The following PDE10A variants were observed in gnomAD, a reference collection of about 807,000 sequenced individuals.
The protein encoded by PDE10A is phosphodiesterase 10A.
In PDE10A, 39 loss-of-function variants were observed where a neutral mutation model predicts 97.7. That is an observed-to-expected ratio of 0.40 (90% confidence interval 0.31 to 0.52). The LOEUF is 0.52. Ranked by LOEUF, PDE10A falls within the 20% of genes least tolerant of loss-of-function variation. The probability of loss-of-function intolerance (pLI) is 0.56; values close to 1 mark genes in which losing one functional copy is unlikely to be tolerated. For synonymous variants in PDE10A, 371 were observed against 376.8 expected, an observed-to-expected ratio of 0.98 and a Z score of 0.18; for missense variants, 731 against 1,047.8, an observed-to-expected ratio of 0.70 and a Z score of 4.17.
chr6:165,982,402 A>G (rs1785047557), intron 1 of PDE10A, among the ~76,000 whole-genome samples: 1 of 152,198 alleles, frequency 6.6e-6, no homozygotes, highest in Non-Finnish European at 1.5e-5. Context: ...ATAATATACC[A>G]CTTACGTAAT....
At chr6:165,521,243 G>A (rs1782111955) in intron 2 of PDE10A, among the ~76,000 whole-genome samples, 1 of 152,028 alleles carries the variant, frequency 6.6e-6, no homozygotes, top group South Asian at 2.1e-4. Flanking sequence ...CCACCAACTG[G>A]CTGTTCCCCG....
chr6:165,488,029 CAA>C (rs58319021), intron 2 of PDE10A, among the ~76,000 whole-genome samples: 41 of 83,380 alleles, frequency 4.9e-4, no homozygotes, highest in African/African-American at 1.2e-3. Context: ...AACAAATTGG[CAA>C]AAAAAAAAAA....
chr6:165,513,890 T>G (rs1781648625), intron 2 of PDE10A, among the ~76,000 whole-genome samples: 1 of 152,140 alleles, frequency 6.6e-6, no homozygotes, highest in African/African-American at 2.4e-5. Flanking sequence ...GTTTTGTAGT[T>G]TTTTGTGAAG....
At chr6:165,626,513 G>A (rs1387051676) in intron 1 of PDE10A, among the ~76,000 whole-genome samples, 1 of 152,188 alleles carries the variant, frequency 6.6e-6, no homozygotes. Flanking sequence ...CTAACAAAGA[G>A]AGAAGATGTT....
chr6:165,785,364 T>A (rs1338496850), intron 1 of PDE10A, among the ~76,000 whole-genome samples: 3 of 152,238 alleles, frequency 2.0e-5, no homozygotes, highest in Admixed American at 6.5e-5. Context: ...GGGACTAATA[T>A]CTGAATGCTC....
Position 165,641,086 on chromosome 6 carries a change from A to T in PDE10A, c.865+20861T>A, listed in dbSNP as rs530205613. Among the ~76,000 whole-genome samples, 8 of 152,320 alleles carry T rather than the reference A, an allele frequency of 5.3e-5. No homozygotes were observed. The East Asian group carries it at 1.5e-3, about 29-fold the overall frequency. ...GCAACATGGCTGTCTGCTTCACCTG[A>T]CCACAGAAGAGGGATGGACCCAAGA... On this transcript the variant is annotated intron_variant, in intron 1 of 21. Coordinates refer to ENST00000539869, the MANE Select transcript of PDE10A (RefSeq NM_001385079.1).
chr6:165,392,009 T>G (rs1005701223), intron 16 of PDE10A, among the ~76,000 whole-genome samples: 15 of 152,138 alleles, frequency 9.9e-5, no homozygotes, highest in African/African-American at 3.6e-4. Flanking sequence ...GGGAGGGATA[T>G]CCTTCAAAGT....
Position 165,662,537 on chromosome 6 carries a change from C to A in PDE10A, c.275G>T (p.Gly92Val). ...CAAGGGAGCGCGGGCCGCGACCCAG[C>A]CGCAGCCGCCGCCGCGCGCAGAGAG... is the stretch of plus-strand genomic sequence containing the variant. ...GALSARGGGC[G>V]WVAARAPLAL... The change falls in exon 1 of 22, where the codon GGC becomes GTC. Residue 92 changes from glycine to valine, a missense_variant. Around this residue, in one of 8 missense-constraint regions of PDE10A, gnomAD observed 181 missense variants for 159.1 expected, o/e 1.14. Transcript: ENST00000539869. 1 of 147,980 alleles carries A rather than the reference C, an allele frequency of 6.8e-6. No individual in the cohort carries two copies. Among genetic ancestry groups the A allele is most frequent in the Non-Finnish European group, 1.5e-5 (1 of 66,784 alleles). The allele number at this position is 147,980 out of a possible 1,614,324, so 9.2% of individuals were successfully genotyped here. A position where few individuals can be genotyped will look rare whatever the true frequency, so the allele number is the denominator to read the frequency against.
intron 3 of PDE10A, among the ~76,000 whole-genome samples, chr6:165,469,163 T>C (rs1011168243): frequency 6.6e-6 from 1 of 152,228 alleles, no homozygotes; most frequent in Non-Finnish European, 1.5e-5. Flanking sequence ...ATCACTTTAT[T>C]ATTATGGAAT....
upstream of PDE10A, among the ~76,000 whole-genome samples, chr6:165,667,184 C>T (rs1790518531): frequency 2.6e-5 from 4 of 152,164 alleles, no homozygotes. Context: ...CCTAGATCTT[C>T]AGTTTCAATT....
intron 18 of PDE10A, among the ~76,000 whole-genome samples, chr6:165,359,308 C>T (rs764957829): frequency 9.9e-5 from 15 of 152,122 alleles, no homozygotes; most frequent in Non-Finnish European, 1.9e-4. Context: ...ATTCTTCCAG[C>T]TTTTATTTAT....
chr6:165,759,454 G>A (rs1158726580), intron 1 of PDE10A, among the ~76,000 whole-genome samples: 1 of 152,148 alleles, frequency 6.6e-6, no homozygotes, highest in Non-Finnish European at 1.5e-5. Flanking sequence ...GCTTCCATCA[G>A]GGTGGGCCGC....
At chr6:165,729,202 A>T (rs1280164419) in intron 1 of PDE10A, among the ~76,000 whole-genome samples, 1 of 75,678 alleles carries the variant, frequency 1.3e-5, no homozygotes, top group African/African-American at 3.3e-5. Context: ...ACTCCATCTC[A>T]AAAAAAAAAA....
At chr6:165,656,545 C>A (rs1015585646) in intron 1 of PDE10A, among the ~76,000 whole-genome samples, 1 of 151,976 alleles carries the variant, frequency 6.6e-6, no homozygotes, top group Non-Finnish European at 1.5e-5. Flanking sequence ...ACCTGTCTTC[C>A]ATAGCTGTTT....
At chr6:165,683,847 C>T (rs1260302239) in intron 1 of PDE10A, among the ~76,000 whole-genome samples, 1 of 152,190 alleles carries the variant, frequency 6.6e-6, no homozygotes, top group Admixed American at 6.5e-5. Flanking sequence ...CTTTCCCACA[C>T]CTCTCCACGA....
chr6:165,331,747 T>A lies in PDE10A; in HGVS notation c.*1278A>T, dbSNP rs1781353440. 2 of 152,216 alleles carry A rather than the reference T, an allele frequency of 1.3e-5. No individual in the cohort carries two copies. 9.4% of individuals were successfully genotyped at this position (152,216 alleles called of 1,614,324 possible). A position where few individuals can be genotyped will look rare whatever the true frequency, so the allele number is the denominator to read the frequency against. On this transcript the variant is annotated 3_prime_UTR_variant, in exon 22 of 22. Transcript: ENST00000539869. ...GTGCAGAGTATTACTTTCGTATTTTTTAAAACACTTACATTGTATAGTAAT... is the reference window on the plus strand; with the variant it reads ...GTGCAGAGTATTACTTTCGTATTTTATAAAACACTTACATTGTATAGTAAT...
At chr6:165,336,698 G>A (rs1403563827) in intron 20 of PDE10A, among the ~76,000 whole-genome samples, 2 of 146,632 alleles carry the variant, frequency 1.4e-5, no homozygotes, top group African/African-American at 2.5e-5. Flanking sequence ...GCAGTGAGCC[G>A]AGATTGCGCC....
At chr6:165,949,986 A>C (rs1325678489) in intron 1 of PDE10A, 1 of 152,210 alleles carries the variant, frequency 6.6e-6, no homozygotes, top group Non-Finnish European at 1.5e-5. Flanking sequence ...CATGAGGAGG[A>C]ACAAGAATGT....
intron 1 of PDE10A, among the ~76,000 whole-genome samples, chr6:165,884,184 A>G: frequency 6.6e-6 from 1 of 152,230 alleles, no homozygotes; most frequent in Admixed American, 6.5e-5. Context: ...AGAAATAAAA[A>G]TTGTGCTTTG....
Sources: gnomAD v4.1 joint callset for allele counts (sites outside exome capture counted in the v4.1 genomes callset) on GRCh38, gnomAD v4.1.1 for gene constraint, gnomAD v4.1.1 regional missense constraint, MANE v1.5 for transcripts, NCBI Gene and HGNC (gene_info 2026-07-23, HGNC 2026-07-21) for gene names.